Variants in WDR72 observed in about 807,000 individuals in gnomAD.
WDR72 encodes the protein WD repeat domain 72.
Under a neutral mutation model 124.2 loss-of-function variants are expected in WDR72, and 120 were observed. The ratio of observed to expected loss-of-function variants is 0.97; its 90% confidence interval spans 0.83 to 1.12. WDR72 has a LOEUF of 1.12. WDR72 is among the 50% of genes most tolerant of loss of function. The pLI, the probability that WDR72 is intolerant of heterozygous loss-of-function variation, is 0.00. For synonymous variants in WDR72, 452 were observed against 441.7 expected, an observed-to-expected ratio of 1.02 and a Z score of -0.29; for missense variants, 1,387 against 1,278.8, an observed-to-expected ratio of 1.08 and a Z score of -1.29.
intron 18 of WDR72, among the ~76,000 whole-genome samples, chr15:53,583,161 T>C (rs926157876): frequency 3.9e-5 from 6 of 151,986 alleles, no homozygotes; most frequent in African/African-American, 1.4e-4. Context: ...TGTATCATCA[T>C]AGTAAAGCTA....
chr15:53,558,005 C>T (rs906777598), intron 18 of WDR72, among the ~76,000 whole-genome samples: 2 of 151,844 alleles, frequency 1.3e-5, no homozygotes, highest in African/African-American at 4.8e-5. Flanking sequence ...CCTCTTCCCT[C>T]GTTGATGCTG....
chr15:53,688,092 C>T (rs2032685371), intron 13 of WDR72, among the ~76,000 whole-genome samples: 2 of 147,992 alleles, frequency 1.4e-5, no homozygotes, highest in Non-Finnish European at 3.0e-5. Context: ...TATGACAAAC[C>T]CACAGCCGAT....
intron 17 of WDR72, 102 bp downstream of exon 17, chr15:53,609,411 G>A (rs2013435247): frequency 9.8e-7 from 1 of 1,016,640 alleles, no homozygotes; most frequent in African/African-American, 1.6e-5. Flanking sequence ...ATTTTATGAG[G>A]ACAAGAGTAA....
At chr15:53,586,186 A>T (rs1263827952) in intron 18 of WDR72, among the ~76,000 whole-genome samples, 1 of 152,064 alleles carries the variant, frequency 6.6e-6, no homozygotes, top group African/African-American at 2.4e-5. Flanking sequence ...GGCTGGACTT[A>T]CCAGCTGGAC....
chr15:53,594,970 G>A (rs1477321387), intron 18 of WDR72, among the ~76,000 whole-genome samples: 1 of 151,854 alleles, frequency 6.6e-6, no homozygotes, highest in Admixed American at 6.6e-5. Flanking sequence ...TTCTCTCTTC[G>A]ATGTATTTTA....
intron 2 of WDR72, among the ~76,000 whole-genome samples, chr15:53,724,637 A>G (rs2017969196): frequency 6.6e-6 from 1 of 151,988 alleles, no homozygotes; most frequent in Non-Finnish European, 1.5e-5. Context: ...TGAGAAAATC[A>G]CCCCCATGAT....
intron 13 of WDR72, among the ~76,000 whole-genome samples, chr15:53,680,720 A>G (rs939871006): frequency 6.6e-6 from 1 of 152,206 alleles, no homozygotes; most frequent in African/African-American, 2.4e-5. Context: ...TTATCTGCTC[A>G]ACTGATGAAC....
chr15:53,697,509 A>G (rs997700630), intron 13 of WDR72, among the ~76,000 whole-genome samples: 7 of 152,156 alleles, frequency 4.6e-5, no homozygotes, highest in Non-Finnish European at 1.0e-4. Flanking sequence ...GGTTCCAACA[A>G]CAATGTTTTC....
At chr15:53,664,227 T>A (rs690349) in intron 14 of WDR72, among the ~76,000 whole-genome samples, 13,540 of 152,120 alleles carry the variant, frequency 0.089, 1,592 homozygotes, top group African/African-American at 0.27. Flanking sequence ...GCACCCTGTA[T>A]TACAATTTCC....
intron 13 of WDR72, among the ~76,000 whole-genome samples, chr15:53,697,000 A>C (rs922276698): frequency 2.6e-5 from 4 of 152,194 alleles, no homozygotes; most frequent in African/African-American, 9.7e-5. Context: ...CATTAATACT[A>C]TCATCACCAA....
chr15:53,617,294 A>G (rs2013807259), intron 14 of WDR72, among the ~76,000 whole-genome samples: 1 of 151,780 alleles, frequency 6.6e-6, no homozygotes, highest in Non-Finnish European at 1.5e-5. Flanking sequence ...ATACAAATAA[A>G]TGAATAAAGT....
rs1891351916 is a variant in WDR72 at position 53,514,948 on chromosome 15, C to G, written c.*2751G>C. ...ACAATGGAGCCAATGTGAAACTCAA[C>G]AGCAAGTCAAAGAATCAAGGCTTGC... On this transcript the variant is annotated 3_prime_UTR_variant, in exon 20 of 20. Coordinates refer to ENST00000360509, the MANE Select transcript of WDR72 (RefSeq NM_182758.4). The G allele has an allele frequency of 8.1e-6, 1 of 124,078 alleles. No homozygotes were observed. The allele number at this position is 124,078 out of a possible 1,614,324, so 7.7% of individuals were successfully genotyped here.
intron 13 of WDR72, among the ~76,000 whole-genome samples, chr15:53,672,312 T>A (rs202148650): frequency 1.1e-4 from 15 of 136,460 alleles, no homozygotes; most frequent in South Asian, 2.4e-4. Context: ...AAATGCCGAT[T>A]AAAAAAAAAA....
intron 14 of WDR72, among the ~76,000 whole-genome samples, chr15:53,630,727 T>A (rs1435433969): frequency 6.6e-6 from 1 of 152,208 alleles, no homozygotes; most frequent in Non-Finnish European, 1.5e-5. Flanking sequence ...ATAGAGGGTA[T>A]CTGTGGAAAA....
At chr15:53,720,047 ATGAC>A (rs1397429650) in intron 3 of WDR72, among the ~76,000 whole-genome samples, 1 of 152,136 alleles carries the variant, frequency 6.6e-6, no homozygotes, top group Non-Finnish European at 1.5e-5. Flanking sequence ...TGTAATTGGA[ATGAC>A]TATTTTATTC....
chr15:53,536,837 A>G (rs191170666), intron 18 of WDR72, among the ~76,000 whole-genome samples: 1 of 152,312 alleles, frequency 6.6e-6, no homozygotes. Flanking sequence ...TTGACCGTAA[A>G]AAGTAGGATT....
intron 2 of WDR72, among the ~76,000 whole-genome samples, chr15:53,723,583 A>G (rs1201792438): frequency 1.3e-5 from 2 of 152,196 alleles, no homozygotes; most frequent in Non-Finnish European, 2.9e-5. Context: ...AAAATGTGTC[A>G]CATACAGTCT....
chr15:53,582,049 G>A (rs540193487), intron 18 of WDR72, among the ~76,000 whole-genome samples: 2 of 151,936 alleles, frequency 1.3e-5, no homozygotes, highest in African/African-American at 2.4e-5. Context: ...TATATAAAAT[G>A]ACTTATGATG....
At chr15:53,761,815 C>G (rs115657705), upstream of WDR72, among the ~76,000 whole-genome samples, 3,833 of 73,254 alleles carry the variant, frequency 0.052, 177 homozygotes, top group African/African-American at 0.15. Flanking sequence ...GAGCATGACT[C>G]TGTCAAAAAC....
Sources: gnomAD v4.1 joint callset for allele counts (sites outside exome capture counted in the v4.1 genomes callset) on GRCh38, gnomAD v4.1.1 for gene constraint, MANE v1.5 for transcripts, NCBI Gene and HGNC (gene_info 2026-07-23, HGNC 2026-07-21) for gene names.